KYAT3: variants seen among roughly 807,000 people sequenced by gnomAD.
KYAT3 encodes the protein kynurenine--oxoglutarate transaminase 3.
Under a neutral mutation model 59.0 loss-of-function variants are expected in KYAT3, and 50 were observed. The ratio of observed to expected loss-of-function variants is 0.85; its 90% CI spans 0.68 to 1.07. The LOEUF (loss-of-function observed/expected upper bound fraction) is 1.07, where lower values mean the gene tolerates loss of function less well. KYAT3 is among the 50% of genes least tolerant of loss of function. The pLI, the probability that KYAT3 is intolerant of heterozygous loss-of-function variation, is 0.00. For synonymous variants in KYAT3, 148 were observed against 177.0 expected (o/e 0.84, Z 1.30); for missense variants, 497 against 533.3 (o/e 0.93, Z 0.67).
chr1:88,957,770 A>C (rs1223778755), intron 8 of KYAT3, among the ~76,000 whole-genome samples: 4 of 152,234 alleles, frequency 2.6e-5, no homozygotes, highest in Non-Finnish European at 5.9e-5. Context: ...AGATGATCTA[A>C]AGTGATTTTT....
chr1:88,923,871 G>C, the KYAT3 span: 1 of 168,158 alleles, frequency 5.9e-6, no homozygotes, highest in African/African-American at 2.4e-5. Context: ...GTCTTGCAGA[G>C]GGACATCCAC....
chr1:88,952,883 A>T (rs979550102), intron 10 of KYAT3, among the ~76,000 whole-genome samples, 180 bp downstream of exon 10: 3 of 152,232 alleles, frequency 2.0e-5, no homozygotes, highest in African/African-American at 7.2e-5. Flanking sequence ...GTGTTTAAAA[A>T]AAAACCCAAA....
intron 8 of KYAT3, among the ~76,000 whole-genome samples, chr1:88,960,027 G>C (rs1477065174): frequency 1.1e-5 from 1 of 91,068 alleles, no homozygotes; most frequent in Non-Finnish European, 2.3e-5. Context: ...AGTGGTGCCT[G>C]GGCTCAAGGG....
chr1:88,947,803 G>A (rs1675501148), intron 11 of KYAT3, among the ~76,000 whole-genome samples: 1 of 152,152 alleles, frequency 6.6e-6, no homozygotes, highest in Admixed American at 6.5e-5. Context: ...CTTATAGTAA[G>A]AAAGAACTCA....
chr1:88,971,206 T>C (rs909436396), intron 2 of KYAT3, among the ~76,000 whole-genome samples: 1 of 152,232 alleles, frequency 6.6e-6, no homozygotes, highest in Non-Finnish European at 1.5e-5. Flanking sequence ...TGATGTGCTG[T>C]AGATAATTTA....
chr1:88,929,464 C>T, the KYAT3 span, among the ~76,000 whole-genome samples: 31 of 152,142 alleles, frequency 2.0e-4, no homozygotes, highest in Admixed American at 3.9e-4. Flanking sequence ...GAAGATCCTT[C>T]GAACCCAACG....
At chr1:88,941,619 T>C (rs929033286) in intron 13 of KYAT3, among the ~76,000 whole-genome samples, 1 of 152,178 alleles carries the variant, frequency 6.6e-6, no homozygotes, top group African/African-American at 2.4e-5. Context: ...AGTTAACATT[T>C]CTACCTGGAC....
At chr1:88,957,378 A>G (rs371640429) in intron 8 of KYAT3, among the ~76,000 whole-genome samples, 14 of 152,326 alleles carry the variant, frequency 9.2e-5, no homozygotes, top group Middle Eastern at 3.4e-3. Flanking sequence ...GAGAAAATCT[A>G]AACTACGTAT....
At chr1:88,932,198 T>A (rs561257891), downstream of KYAT3, among the ~76,000 whole-genome samples, 1 of 152,224 alleles carries the variant, frequency 6.6e-6, no homozygotes, top group Non-Finnish European at 1.5e-5. Flanking sequence ...GAAGAAACCC[T>A]ATGACAACAG....
intron 13 of KYAT3, 86 bp from the exon 14 acceptor site, chr1:88,936,331 G>T: frequency 9.8e-7 from 1 of 1,019,254 alleles, no homozygotes; most frequent in Non-Finnish European, 1.5e-6. Context: ...ACATAATGAA[G>T]ATTTAAGTGA....
chr1:88,979,296 T>C lies in KYAT3; in HGVS notation c.99+8956A>G, dbSNP rs150922605. Among the ~76,000 whole-genome samples, 91 of 152,162 alleles carry C rather than the reference T, an allele frequency of 6.0e-4. 1 individual carries two copies. The highest frequency in any genetic ancestry group is 4.8e-3 in the South Asian group (23 of 4,814). On this transcript the variant is annotated intron_variant, in intron 2 of 13. Transcript: ENST00000260508. ...GTCACATCTCCCACCTTCATGGCCA[T>C]AGAGGGACTGAGAGATGAACACTCA...
chr1:88,934,389 G>A (rs1042481595), downstream of KYAT3, among the ~76,000 whole-genome samples: 4 of 152,182 alleles, frequency 2.6e-5, no homozygotes, highest in African/African-American at 9.7e-5. Flanking sequence ...GGGGGGCAGA[G>A]GTTGCGGTGA....
rs551159613 is a variant in KYAT3 at position 88,943,406 on chromosome 1, T to C, written c.1159A>G (p.Met387Val). The C allele has an allele frequency of 2.5e-6, 4 of 1,578,512 alleles. No homozygotes were observed. Among genetic ancestry groups the C allele is most frequent in the Admixed American group, 1.9e-5 (1 of 53,422 alleles). Residue 387 changes from methionine to valine, a missense_variant, in exon 12 of 14, where the codon ATG becomes GTG. Coordinates refer to ENST00000260508, the MANE Select transcript of KYAT3 (RefSeq NM_001008661.3). ...TAGTCATAAGGCTCATTATTCTTCA[T>C]ATCAGAGAGGTCTGGATCTAAAACC... is the stretch of plus-strand genomic sequence containing the variant. ...VSLLDPDLSDMKNNEPYDYKF... is the reference protein window; with the variant it reads ...VSLLDPDLSDVKNNEPYDYKF...
chr1:88,952,483 TGA>T (rs1557685963), intron 10 of KYAT3, among the ~76,000 whole-genome samples: 1 of 152,150 alleles, frequency 6.6e-6, no homozygotes. Flanking sequence ...TGAGTTATTG[TGA>T]GATACGGTTG....
chr1:88,979,587 C>T (rs1676973420), intron 2 of KYAT3: 1 of 151,988 alleles, frequency 6.6e-6, no homozygotes, highest in Admixed American at 6.6e-5. Flanking sequence ...CCAAAAAGTA[C>T]CTTAAAAGAT....
chr1:88,944,978 G>A (rs1356949486), intron 11 of KYAT3, among the ~76,000 whole-genome samples: 1 of 152,068 alleles, frequency 6.6e-6, no homozygotes, highest in African/African-American at 2.4e-5. Flanking sequence ...TGAGTAGCTA[G>A]GATTACAGGT....
intron 2 of KYAT3, chr1:88,983,954 G>T: frequency 9.6e-7 from 1 of 1,041,758 alleles, no homozygotes; most frequent in Non-Finnish European, 1.5e-6. Flanking sequence ...CCGCGAAGCC[G>T]CTAGCACTAC....
rs146375168 is a variant in KYAT3 at position 88,982,677 on chromosome 1, C to T, written c.99+5575G>A. The T allele has an allele frequency of 7.6e-4, 1,227 of 1,612,934 alleles. No homozygotes were observed. The highest frequency in any genetic ancestry group is 9.9e-4 in the Non-Finnish European group (1,168 of 1,179,252). ...TTCTAGTATCTGCTTCTGCCTCCCCCTCTATCAGATCGGCTTCCTCCAGGG... is the reference window on the plus strand; with the variant it reads ...TTCTAGTATCTGCTTCTGCCTCCCCTTCTATCAGATCGGCTTCCTCCAGGG... On this transcript the variant is annotated intron_variant, in intron 2 of 13. Coordinates refer to ENST00000260508, the MANE Select transcript of KYAT3 (RefSeq NM_001008661.3).
In KYAT3 at chr1:88,982,419, A is replaced by C. The variant is rs185783620; in HGVS notation, c.99+5833T>G. 210 of 926,748 alleles carry C rather than the reference A, an allele frequency of 2.3e-4. No individual in the cohort carries two copies. In the African/African-American group the frequency reaches 3.3e-3, roughly 15 times the overall value. 57.4% of individuals were successfully genotyped at this position (926,748 alleles called of 1,614,324 possible). On this transcript the variant is annotated intron_variant, in intron 2 of 13. Coordinates refer to ENST00000260508, the MANE Select transcript of KYAT3 (RefSeq NM_001008661.3). ...TTACAACACTAGTACTACAAGGCTT[A>C]ACACATTTAACATTTGCTTGTTGAA...
Sources: gnomAD v4.1 joint callset for allele counts (sites outside exome capture counted in the v4.1 genomes callset) on GRCh38, gnomAD v4.1.1 for gene constraint, MANE v1.5 for transcripts, NCBI Gene and HGNC (gene_info 2026-07-23, HGNC 2026-07-21) for gene names.